The following ADAMTS15 variants were observed in gnomAD, a reference collection of about 807,000 sequenced individuals.
ADAMTS15 encodes the protein A disintegrin and metalloproteinase with thrombospondin motifs 15.
ADAMTS15 carries 35 observed loss-of-function variants against 79.1 expected under a neutral mutation model. The ratio of observed to expected loss-of-function variants is 0.44; its 90% CI spans 0.34 to 0.59. The LOEUF is 0.59. Ranked by LOEUF, ADAMTS15 falls within the 20% of genes least tolerant of loss-of-function variation. ADAMTS15 has a pLI of 0.02. For synonymous variants in ADAMTS15, 616 were observed against 567.3 expected, an observed-to-expected ratio of 1.09 and a Z score of -1.22; for missense variants, 1,324 against 1,318.7, an observed-to-expected ratio of 1.00 and a Z score of -0.06.
Position 130,473,283 on chromosome 11 carries a change from C to T in ADAMTS15, c.2315C>T (p.Ser772Phe), listed in dbSNP as rs148493027. Residue 772 changes from serine (S) to phenylalanine (F), a missense_variant, in exon 8 of 8, where the codon TCC becomes TTC. Physicochemically the swap from Ser to Phe is radical, Grantham distance 155. Coordinates refer to ENST00000299164, the MANE Select transcript of ADAMTS15 (RefSeq NM_139055.4). ...TGTAVESLQA[S>F]RPILEPLTVE... ...ACAGCGGTGGAGAGCCTGCAGGCTTCCCGGCCCATCCTGGAGCCGCTGACC... is the reference window on the plus strand; with the variant it reads ...ACAGCGGTGGAGAGCCTGCAGGCTTTCCGGCCCATCCTGGAGCCGCTGACC... The T allele has an allele frequency of 8.1e-4, 1,312 of 1,613,202 alleles. 11 individuals carry two copies. In the African/African-American group the frequency reaches 0.016, roughly 19 times the overall value.
In ADAMTS15 at chr11:130,472,585, G is replaced by C. The variant is rs1230628791; in HGVS notation, c.2079-462G>C. ...AGGAGTTGGCGTGTGAGCCAGGCTGGATCTGCGTCCCTGCCTCCAGGGCCA... is the reference window on the plus strand; with the variant it reads ...AGGAGTTGGCGTGTGAGCCAGGCTGCATCTGCGTCCCTGCCTCCAGGGCCA... On this transcript the variant is annotated intron_variant, in intron 7 of 7. Coordinates refer to ENST00000299164, the MANE Select transcript of ADAMTS15 (RefSeq NM_139055.4). The surrounding 1 kb of genome is among the most constrained non-coding windows in gnomAD (Gnocchi z 4.7). Among the ~76,000 whole-genome samples the C allele has an allele frequency of 6.6e-6, 1 of 152,182 alleles. No homozygotes were observed. The highest frequency in any genetic ancestry group is 1.5e-5 in the Non-Finnish European group (1 of 68,030).
At position 130,462,687 on chromosome 11, in the gene ADAMTS15, C is replaced by T. The variant is rs371157496; in HGVS notation, c.1449C>T (p.Arg483=). The change falls in exon 4 of 8, where the codon CGC becomes CGT. Residue 483 remains arginine (R), a synonymous_variant. Coordinates refer to ENST00000299164, the MANE Select transcript of ADAMTS15 (RefSeq NM_139055.4). This position sits in a 1 kb window ranked among gnomAD's most constrained non-coding sequence, Gnocchi z 4.3. The stretch of plus-strand genomic sequence containing the variant: ...AGGGACAGATGGTGTGCCAGACCCG[C>T]CACTTCCCCTGGGCCGATGGCACCA... ...KAKGQMVCQT[R]HFPWADGTSC... 4 of 1,613,510 alleles carry T rather than the reference C, an allele frequency of 2.5e-6. No individual in the cohort carries two copies. Among genetic ancestry groups the T allele is most frequent in the Non-Finnish European group, 3.4e-6 (4 of 1,179,466 alleles).
At chr11:130,469,809 C>A (rs1296604736) in intron 5 of ADAMTS15, among the ~76,000 whole-genome samples, 1 of 152,170 alleles carries the variant, frequency 6.6e-6, no homozygotes, top group Non-Finnish European at 1.5e-5. Context: ...GTAAGCAGGA[C>A]TCCAGAGCCC....
chr11:130,470,204 ATATATG>A (rs1938420627), intron 5 of ADAMTS15, among the ~76,000 whole-genome samples: 1 of 61,824 alleles, frequency 1.6e-5, no homozygotes, highest in African/African-American at 8.4e-5. Context: ...ATATATATAT[ATATATG>A]TATATATATA....
chr11:130,461,304 A>G (rs1005895588), intron 1 of ADAMTS15, among the ~76,000 whole-genome samples, 185 bp from the exon 2 acceptor site: 4 of 152,134 alleles, frequency 2.6e-5, no homozygotes, highest in African/African-American at 9.7e-5. Context: ...TCCCTCAGCC[A>G]GGTTGATTCT....
At chr11:130,450,510 C>A in intron 1 of ADAMTS15, 1 of 888,062 alleles carries the variant, frequency 1.1e-6, no homozygotes, top group Non-Finnish European at 1.3e-6. Flanking sequence ...CAGTGACAGG[C>A]CAGACTCAAG....
Position 130,449,774 on chromosome 11 carries a change from C to G in ADAMTS15, c.801C>G (p.Val267=), listed in dbSNP as rs781155131. Residue 267 remains valine, a synonymous_variant, in exon 1 of 8, where the codon GTC becomes GTG. Coordinates refer to ENST00000299164, the MANE Select transcript of ADAMTS15 (RefSeq NM_139055.4). The surrounding 1 kb of genome is among the most constrained non-coding windows in gnomAD (Gnocchi z 7.8). ...SILNPINIVV[V]KVLLLRDRDS... is the part of the protein sequence containing the mutation. ...TCAACCCCATCAACATCGTTGTGGT[C>G]AAGGTGCTGCTTCTTAGAGATCGTG... 1 of 1,612,580 alleles carries G rather than the reference C, an allele frequency of 6.2e-7. No individual in the cohort carries two copies. The highest frequency in any genetic ancestry group is 1.1e-5 in the South Asian group (1 of 91,078).
chr11:130,461,698 G>GC (rs1938202893), intron 2 of ADAMTS15, 77 bp downstream of exon 2: 1 of 1,582,868 alleles, frequency 6.3e-7, no homozygotes, highest in Admixed American at 1.7e-5. Flanking sequence ...GTGTGTCTTT[G>GC]CCCCCTTGTG....
At chr11:130,456,708 G>A (rs1254176355) in intron 1 of ADAMTS15, among the ~76,000 whole-genome samples, 2 of 152,128 alleles carry the variant, frequency 1.3e-5, no homozygotes, top group African/African-American at 4.8e-5. Flanking sequence ...GCTTTGGATT[G>A]GGGACCTCAT....
intron 1 of ADAMTS15, among the ~76,000 whole-genome samples, chr11:130,457,947 T>TA (rs1474887263): frequency 6.6e-6 from 1 of 152,212 alleles, no homozygotes; most frequent in African/African-American, 2.4e-5. Context: ...GAGCCACTCT[T>TA]ACCCTCAGGA....
chr11:130,451,992 C>G (rs1465117276), intron 1 of ADAMTS15, among the ~76,000 whole-genome samples: 2 of 152,164 alleles, frequency 1.3e-5, no homozygotes, highest in East Asian at 3.8e-4. Context: ...GAGAGTGAGG[C>G]TTCTGTGTGG....
At position 130,462,390 on chromosome 11, in the gene ADAMTS15, T is replaced by G. The variant is rs1938220000; in HGVS notation, c.1259-107T>G. On this transcript the variant is annotated intron_variant, in intron 3 of 7. Transcript: ENST00000299164. This position sits in a 1 kb window ranked among gnomAD's most constrained non-coding sequence, Gnocchi z 4.3. ...CCTCGGAGCCGGGCTCTGACATGAG[T>G]GCATTCCTGTTGCCCTTGGTTCATT... is the stretch of plus-strand genomic sequence containing the variant. The G allele has an allele frequency of 6.7e-7, 1 of 1,495,220 alleles. No homozygotes were observed. The highest frequency in any genetic ancestry group is 9.0e-7 in the Non-Finnish European group (1 of 1,112,946). 92.6% of individuals were successfully genotyped at this position (1,495,220 alleles called of 1,614,324 possible).
At chr11:130,469,170 C>G (rs1022494680) in intron 4 of ADAMTS15, 92 bp from the exon 5 acceptor site, 9 of 1,184,628 alleles carry the variant, frequency 7.6e-6, no homozygotes, top group African/African-American at 3.1e-5. Context: ...GGGATGAGAA[C>G]TTGGAGGCTG....
In ADAMTS15 at chr11:130,474,301, C is replaced by T. The variant is rs955663511; in HGVS notation, c.*480C>T. The T allele has an allele frequency of 6.3e-6, 1 of 158,092 alleles. No homozygotes were observed. The highest frequency in any genetic ancestry group is 2.4e-5 in the African/African-American group (1 of 41,596). 9.8% of individuals were successfully genotyped at this position (158,092 alleles called of 1,614,324 possible). A position where few individuals can be genotyped will look rare whatever the true frequency, so the allele number is the denominator to read the frequency against. On this transcript the variant is annotated 3_prime_UTR_variant, in exon 8 of 8. Coordinates refer to ENST00000299164, the MANE Select transcript of ADAMTS15 (RefSeq NM_139055.4). The stretch of plus-strand genomic sequence containing the variant: ...TAGCCCACTTTCCTTTTTGAACTGA[C>T]ATGGACTAAGCAATAAAAGCTGGCT...
chr11:130,470,128 A>G (rs1565397470), intron 5 of ADAMTS15, among the ~76,000 whole-genome samples: 4 of 86,990 alleles, frequency 4.6e-5, no homozygotes, highest in South Asian at 3.2e-4. Flanking sequence ...TCATATATAT[A>G]TATACATATA....
chr11:130,462,552 G>A lies in ADAMTS15; in HGVS notation c.1314G>A (p.Pro438=), dbSNP rs756475686. The change falls in exon 4 of 8, where the codon CCG becomes CCA. Residue 438 remains proline, a synonymous_variant. Transcript: ENST00000299164. The surrounding 1 kb of genome is among the most constrained non-coding windows in gnomAD (Gnocchi z 4.3). ...CCATCTCCCTGCCCGAGGATCTGCC[G>A]GGCGCCAGCTACACCCTGAGCCAGC... ...SKPISLPEDL[P]GASYTLSQQC... is the part of the protein sequence containing the mutation. 4.3e-6 allele frequency: 7 copies of A among 1,611,492 alleles called. No homozygotes were observed. The highest frequency in any genetic ancestry group is 2.2e-5 in the East Asian group (1 of 44,770).
At chr11:130,454,166 G>A (rs1484214837) in intron 1 of ADAMTS15, among the ~76,000 whole-genome samples, 2 of 152,116 alleles carry the variant, frequency 1.3e-5, no homozygotes, top group African/African-American at 4.8e-5. Flanking sequence ...ATCATTTGAT[G>A]CCACCTCTGT....
rs754109244 is a variant in ADAMTS15, at chr11:130,449,734, G to T, written c.761G>T (p.Arg254Leu). 1.2e-6 allele frequency: 2 copies of T among 1,612,346 alleles called. No individual in the cohort carries two copies. The highest frequency in any genetic ancestry group is 8.5e-7 in the Non-Finnish European group (1 of 1,179,732). ...TLLATAARLYRHPSILNPINI... is the reference protein window; with the variant it reads ...TLLATAARLYLHPSILNPINI... ...CTGGCAACGGCGGCGCGACTCTACC[G>T]CCATCCCAGCATCCTCAACCCCATC... The change falls in exon 1 of 8, where the codon CGC becomes CTC. Residue 254 changes from arginine to leucine, a missense_variant. By Grantham distance (102) the Arg-to-Leu change is moderately radical. Transcript: ENST00000299164. The surrounding 1 kb of genome is among the most constrained non-coding windows in gnomAD (Gnocchi z 7.8).
rs934203054 is a variant in ADAMTS15 at position 130,462,985 on chromosome 11, A to G, written c.1542+205A>G. 6.6e-6 allele frequency among the ~76,000 whole-genome samples: 1 copy of G among 152,214 alleles called. No homozygotes were observed. Among genetic ancestry groups the G allele is most frequent in the African/African-American group, 2.4e-5 (1 of 41,466 alleles). On this transcript the variant is annotated intron_variant, in intron 4 of 7. Transcript: ENST00000299164. The surrounding 1 kb of genome is among the most constrained non-coding windows in gnomAD (Gnocchi z 4.3). ...GACTCTAAGACCGGAGAGAAAAGCT[A>G]TGGCAGGTCAGAGGACTTGGTGAGG...
Sources: allele counts gnomAD v4.1 joint callset (sites outside exome capture counted in the v4.1 genomes callset), GRCh38; gene constraint gnomAD v4.1.1; non-coding constraint Gnocchi (gnomAD v3.1); transcripts MANE v1.5; gene names NCBI Gene and HGNC (gene_info 2026-07-23, HGNC 2026-07-21).